Variants in FBXO45 observed in about 807,000 individuals in gnomAD.
FBXO45 encodes F-box/SPRY domain-containing protein 1.
A neutral mutation model predicts 25.5 loss-of-function variants in FBXO45; 3 were observed. That is an observed-to-expected ratio of 0.12 (90% CI 0.05 to 0.30). FBXO45 has a LOEUF of 0.30. Ranked by LOEUF, FBXO45 falls within the 10% of genes least tolerant of loss-of-function variation. The pLI is 1.00. For synonymous variants in FBXO45, 155 were observed against 149.8 expected, an observed-to-expected ratio of 1.03 and a Z score of -0.25; for missense variants, 219 against 365.0, an observed-to-expected ratio of 0.60 and a Z score of 3.26.
rs572664651 is a variant in FBXO45, at chr3:196,587,180, A to G, written c.*2862A>G. 1.3e-5 allele frequency: 2 copies of G among 152,316 alleles called. No individual in the cohort carries two copies. Among genetic ancestry groups the G allele is most frequent in the East Asian group, 3.9e-4 (2 of 5,188 alleles). The allele number at this position is 152,316 out of a possible 1,614,324, so 9.4% of individuals were successfully genotyped here. On this transcript the variant is annotated 3_prime_UTR_variant, in exon 3 of 3. Coordinates refer to ENST00000311630, the MANE Select transcript of FBXO45 (RefSeq NM_001105573.2). ...TACTATGGTCTTCTGTCATACTGAG[A>G]CAGGCTGTTTTAATTACCTGGTTTT...
Position 196,584,410 on chromosome 3 carries a change from A to G in FBXO45, c.*92A>G. Reference sequence around the variant, plus strand: ...AGTGACTGTCACACATGCATGTCCAAGAAACATCCTGAAAACACATGAAGT... The same window carrying G: ...AGTGACTGTCACACATGCATGTCCAGGAAACATCCTGAAAACACATGAAGT... On this transcript the variant is annotated 3_prime_UTR_variant, in exon 3 of 3. Coordinates refer to ENST00000311630, the MANE Select transcript of FBXO45 (RefSeq NM_001105573.2). This position sits in a 1 kb window ranked among gnomAD's most constrained non-coding sequence, Gnocchi z 4.3. 2 of 1,136,094 alleles carry G rather than the reference A, an allele frequency of 1.8e-6. No homozygotes were observed. The highest frequency in any genetic ancestry group is 2.7e-5 in the East Asian group (1 of 37,610). 70.4% of individuals were successfully genotyped at this position (1,136,094 alleles called of 1,614,324 possible).
chr3:196,584,056 C>G lies in FBXO45; in HGVS notation c.676-77C>G. ...AGGATAATATTCTTAATATTTTCAA[C>G]TTCTTGATTTGTGTCTTGTTTCTTC... On this transcript the variant is annotated intron_variant, in intron 2 of 2. Coordinates refer to ENST00000311630, the MANE Select transcript of FBXO45 (RefSeq NM_001105573.2). The surrounding 1 kb of genome is among the most constrained non-coding windows in gnomAD (Gnocchi z 4.3). 7.3e-7 allele frequency: 1 copy of G among 1,367,292 alleles called. No individual in the cohort carries two copies. Among genetic ancestry groups the G allele is most frequent in the Non-Finnish European group, 1.0e-6 (1 of 984,692 alleles). The allele number at this position is 1,367,292 out of a possible 1,614,324, so 84.7% of individuals were successfully genotyped here.
intron 1 of FBXO45, among the ~76,000 whole-genome samples, chr3:196,575,351 G>A (rs1328268545): frequency 6.6e-6 from 1 of 151,678 alleles, no homozygotes. Flanking sequence ...AGCTACTCGG[G>A]GGAGGCTGAG....
intron 1 of FBXO45, among the ~76,000 whole-genome samples, chr3:196,574,566 G>A (rs534223482): frequency 2.6e-5 from 4 of 152,140 alleles, no homozygotes; most frequent in South Asian, 2.1e-4. Flanking sequence ...TCGATTTTGC[G>A]GATTTCATTA....
intron 1 of FBXO45, among the ~76,000 whole-genome samples, chr3:196,570,975 G>A (rs1336983674): frequency 6.6e-6 from 1 of 152,160 alleles, no homozygotes; most frequent in Admixed American, 6.5e-5. Flanking sequence ...CTCCCAAAGT[G>A]CTGGGATTAC....
At position 196,588,916 on chromosome 3, in the gene FBXO45, G is replaced by A. The variant is rs949746039; in HGVS notation, c.*4598G>A. 2 of 152,158 alleles carry A rather than the reference G, an allele frequency of 1.3e-5. No individual in the cohort carries two copies. The highest frequency in any genetic ancestry group is 2.4e-5 in the African/African-American group (1 of 41,424). 9.4% of individuals were successfully genotyped at this position (152,158 alleles called of 1,614,324 possible). A position where few individuals can be genotyped will look rare whatever the true frequency, so the allele number is the denominator to read the frequency against. ...TAAGGAAGAAATAATTACTGTGAAT[G>A]CATTTAGCCACTCCCCTCTACTCAA... On this transcript the variant is annotated 3_prime_UTR_variant, in exon 3 of 3. Transcript: ENST00000311630. This position sits in a 1 kb window ranked among gnomAD's most constrained non-coding sequence, Gnocchi z 4.2.
rs546209199 is a variant in FBXO45 at position 196,585,402 on chromosome 3, T to A, written c.*1084T>A. 6.6e-5 allele frequency: 10 copies of A among 152,296 alleles called. No homozygotes were observed. Among genetic ancestry groups the A allele is most frequent in the Non-Finnish European group, 1.3e-4 (9 of 68,020 alleles). The allele number at this position is 152,296 out of a possible 1,614,324, so 9.4% of individuals were successfully genotyped here. ...AATGCTGTAGATATTATCAAAAAAA[T>A]TTTAATTTCATATTGTTTACATCAT... On this transcript the variant is annotated 3_prime_UTR_variant, in exon 3 of 3. Transcript: ENST00000311630.
At chr3:196,572,681 G>T (rs1438085772) in intron 1 of FBXO45, among the ~76,000 whole-genome samples, 1 of 152,174 alleles carries the variant, frequency 6.6e-6, no homozygotes, top group Non-Finnish European at 1.5e-5. Flanking sequence ...TTGGTGATAT[G>T]ATTATTTTGC....
At chr3:196,578,298 G>GT (rs1735952780) in intron 2 of FBXO45, among the ~76,000 whole-genome samples, 1 of 152,028 alleles carries the variant, frequency 6.6e-6, no homozygotes, top group African/African-American at 2.4e-5. Flanking sequence ...GCCTCCCAAA[G>GT]TGCTGGGATT....
chr3:196,584,056 C>T lies in FBXO45; in HGVS notation c.676-77C>T. On this transcript the variant is annotated intron_variant, in intron 2 of 2. Coordinates refer to ENST00000311630, the MANE Select transcript of FBXO45 (RefSeq NM_001105573.2). This position sits in a 1 kb window ranked among gnomAD's most constrained non-coding sequence, Gnocchi z 4.3. ...AGGATAATATTCTTAATATTTTCAA[C>T]TTCTTGATTTGTGTCTTGTTTCTTC... 1 of 1,367,292 alleles carries T rather than the reference C, an allele frequency of 7.3e-7. No homozygotes were observed. 84.7% of individuals were successfully genotyped at this position (1,367,292 alleles called of 1,614,324 possible). A position where few individuals can be genotyped will look rare whatever the true frequency, so the allele number is the denominator to read the frequency against.
At chr3:196,572,472 A>G (rs367639715) in intron 1 of FBXO45, among the ~76,000 whole-genome samples, 3 of 152,214 alleles carry the variant, frequency 2.0e-5, no homozygotes, top group South Asian at 4.1e-4. Context: ...CTGAAGGATG[A>G]TAAGTAGGCA....
At position 196,583,804 on chromosome 3, in the gene FBXO45, C is replaced by G. The variant is rs577766188; in HGVS notation, c.676-329C>G. ...GGGCAGTGGTGCGATACCAGCTTTG[C>G]GCCACCACACCCAGCTAATTTTTGT... On this transcript the variant is annotated intron_variant, in intron 2 of 2. Coordinates refer to ENST00000311630, the MANE Select transcript of FBXO45 (RefSeq NM_001105573.2). Among the ~76,000 whole-genome samples, 44 of 152,138 alleles carry G rather than the reference C, an allele frequency of 2.9e-4. 1 individual carries two copies. Among genetic ancestry groups the G allele is most frequent in the Middle Eastern group, 3.4e-3 (1 of 292 alleles).
chr3:196,583,570 T>C (rs931610656), intron 2 of FBXO45, among the ~76,000 whole-genome samples: 23 of 151,994 alleles, frequency 1.5e-4, no homozygotes, highest in African/African-American at 5.6e-4. Flanking sequence ...CTGATTTAGA[T>C]TGCTCTTTTT....
At chr3:196,577,323 G>A (rs1735932554) in intron 1 of FBXO45, 130 bp from the exon 2 acceptor site, 5 of 672,260 alleles carry the variant, frequency 7.4e-6, no homozygotes, top group African/African-American at 1.8e-5. Context: ...GCCATTATTT[G>A]GAAATACTTG....
chr3:196,580,909 C>T (rs1560319094), intron 2 of FBXO45, among the ~76,000 whole-genome samples: 1 of 152,146 alleles, frequency 6.6e-6, no homozygotes, highest in African/African-American at 2.4e-5. Context: ...CCTCAGCCTC[C>T]AGAGTAGCTG....
chr3:196,579,292 A>G (rs1735967925), intron 2 of FBXO45, among the ~76,000 whole-genome samples: 2 of 152,248 alleles, frequency 1.3e-5, no homozygotes, highest in Admixed American at 1.3e-4. Context: ...ACCTCAAGTC[A>G]GGCATACTAA....
chr3:196,581,305 A>G (rs953050388), intron 2 of FBXO45, among the ~76,000 whole-genome samples: 5 of 120,842 alleles, frequency 4.1e-5, no homozygotes, highest in African/African-American at 1.3e-4. Context: ...ATCTGGGCTC[A>G]CTGCAGCCAC....
chr3:196,575,773 CT>C (rs909923536), intron 1 of FBXO45, among the ~76,000 whole-genome samples: 82 of 151,330 alleles, frequency 5.4e-4, no homozygotes, highest in Non-Finnish European at 9.9e-4. Flanking sequence ...GCCTCCTGGG[CT>C]CAAGCATTCC....
chr3:196,573,244 G>A (rs536537840), intron 1 of FBXO45, among the ~76,000 whole-genome samples: 1 of 152,266 alleles, frequency 6.6e-6, no homozygotes, highest in Admixed American at 6.5e-5. Flanking sequence ...TTGGAGGTTG[G>A]AGCTTAGAGG....
Sources: gnomAD v4.1 joint callset for allele counts (sites outside exome capture counted in the v4.1 genomes callset) on GRCh38, gnomAD v4.1.1 for gene constraint, Gnocchi (gnomAD v3.1) non-coding constraint, MANE v1.5 for transcripts, NCBI Gene and HGNC (gene_info 2026-07-23, HGNC 2026-07-21) for gene names.